The following PTPRT variants were observed in gnomAD, a reference collection of about 807,000 sequenced individuals.
The protein encoded by PTPRT is receptor-type tyrosine-protein phosphatase T.
In PTPRT, 56 loss-of-function variants were observed where a neutral mutation model predicts 176.8. The observed-to-expected ratio is 0.32, with a 90% CI of 0.26 to 0.40. The LOEUF is 0.40. PTPRT is among the 10% of genes least tolerant of loss of function. The probability of loss-of-function intolerance (pLI) is 1.00; values close to 1 mark genes in which losing one functional copy is unlikely to be tolerated. For missense variants in PTPRT, 1,540 were observed against 1,908.2 expected, an observed-to-expected ratio of 0.81 and a Z score of 3.60; for synonymous variants, 783 against 739.0, an observed-to-expected ratio of 1.06 and a Z score of -0.96.
At chr20:42,906,368 C>T (rs1023694229) in intron 1 of PTPRT, among the ~76,000 whole-genome samples, 2 of 152,172 alleles carry the variant, frequency 1.3e-5, no homozygotes, top group African/African-American at 4.8e-5. Flanking sequence ...AGCCACGTTC[C>T]CACTCCATCT....
chr20:42,846,231 C>G (rs898340316), intron 2 of PTPRT, among the ~76,000 whole-genome samples: 1 of 152,210 alleles, frequency 6.6e-6, no homozygotes, highest in East Asian at 1.9e-4. Context: ...ATCCACCCTT[C>G]CCATCCTCAT....
chr20:42,377,775 T>C (rs2058665215), intron 9 of PTPRT, among the ~76,000 whole-genome samples: 1 of 152,126 alleles, frequency 6.6e-6, no homozygotes, highest in African/African-American at 2.4e-5. Context: ...AAATTGCCTG[T>C]GGAAGACATG....
intron 7 of PTPRT, among the ~76,000 whole-genome samples, chr20:42,484,074 TG>T (rs1159889583): frequency 6.6e-6 from 1 of 152,238 alleles, no homozygotes; most frequent in African/African-American, 2.4e-5. Flanking sequence ...TTTTCAACCC[TG>T]GCAGTAGCTG....
At chr20:43,144,894 C>T (rs1190643381) in intron 1 of PTPRT, among the ~76,000 whole-genome samples, 1 of 152,196 alleles carries the variant, frequency 6.6e-6, no homozygotes, top group Non-Finnish European at 1.5e-5. Flanking sequence ...CAGTTACCCC[C>T]AGGATCTGCA....
chr20:43,117,038 T>C (rs1274683878), intron 1 of PTPRT, among the ~76,000 whole-genome samples: 1 of 152,112 alleles, frequency 6.6e-6, no homozygotes, highest in Non-Finnish European at 1.5e-5. Flanking sequence ...ATGACTCTCA[T>C]CCTCCTTGGA....
At chr20:42,521,198 C>T (rs1423435106) in intron 7 of PTPRT, among the ~76,000 whole-genome samples, 1 of 152,052 alleles carries the variant, frequency 6.6e-6, no homozygotes, top group African/African-American at 2.4e-5. Context: ...TCATGCTTTA[C>T]CAAGATTTTG....
intron 17 of PTPRT, among the ~76,000 whole-genome samples, chr20:42,159,143 A>G (rs1344434772): frequency 6.9e-6 from 1 of 144,824 alleles, no homozygotes; most frequent in Non-Finnish European, 1.5e-5. Flanking sequence ...TCCCTTAATG[A>G]TATTTGAAAT....
intron 9 of PTPRT, among the ~76,000 whole-genome samples, chr20:42,431,024 G>T (rs1275593534): frequency 6.6e-6 from 1 of 152,168 alleles, no homozygotes; most frequent in East Asian, 1.9e-4. Context: ...ATGTTCGTGT[G>T]TGCGGTGGGG....
intron 1 of PTPRT, among the ~76,000 whole-genome samples, chr20:42,973,076 A>G (rs1982746875): frequency 6.6e-6 from 1 of 151,906 alleles, no homozygotes; most frequent in Non-Finnish European, 1.5e-5. Flanking sequence ...CAGGAAGATT[A>G]ATCAGGAGGC....
intron 8 of PTPRT, among the ~76,000 whole-genome samples, chr20:42,461,291 C>T (rs1393650924): frequency 6.6e-6 from 1 of 152,184 alleles, no homozygotes; most frequent in East Asian, 1.9e-4. Context: ...CGTGCCATTG[C>T]ACTCCAGCCT....
At chr20:42,704,851 G>A (rs1247501780) in intron 6 of PTPRT, among the ~76,000 whole-genome samples, 4 of 152,160 alleles carry the variant, frequency 2.6e-5, no homozygotes, top group Non-Finnish European at 5.9e-5. Flanking sequence ...ACACTGAAAT[G>A]AATACCTTTC....
At chr20:42,398,861 G>A (rs1405006034) in intron 9 of PTPRT, among the ~76,000 whole-genome samples, 2 of 152,166 alleles carry the variant, frequency 1.3e-5, no homozygotes, top group East Asian at 1.9e-4. Context: ...AGAACTGCTC[G>A]ATGTCATTCA....
intron 26 of PTPRT, among the ~76,000 whole-genome samples, chr20:42,100,811 C>T (rs1985862146): frequency 6.6e-6 from 1 of 152,210 alleles, no homozygotes; most frequent in East Asian, 1.9e-4. Flanking sequence ...GTCTTCTCTC[C>T]ACCTCTAGCT....
In PTPRT at chr20:43,015,948, G is replaced by GAA. The variant is rs367560612; in HGVS notation, c.89-130018_89-130017dup. The stretch of plus-strand genomic sequence containing the variant: ...GAAAACACACTAAGTATTTCAAAAA[G>GAA]AAAAAAAAAAAAAAGCCCACGTCCA... On this transcript the variant is annotated intron_variant, in intron 1 of 30. Coordinates refer to ENST00000373187, the MANE Select transcript of PTPRT (RefSeq NM_007050.6). Among the ~76,000 whole-genome samples, 774 of 128,174 alleles carry GAA rather than the reference G, an allele frequency of 6.0e-3. 9 individuals carry two copies. Among genetic ancestry groups the GAA allele is most frequent in the African/African-American group, 0.02 (694 of 35,324 alleles). The allele number at this position is 128,174 out of a possible 152,430, so 84.1% of individuals were successfully genotyped here. A position where few individuals can be genotyped will look rare whatever the true frequency, so the allele number is the denominator to read the frequency against.
intron 1 of PTPRT, among the ~76,000 whole-genome samples, chr20:43,081,599 C>A (rs1445995055): frequency 6.6e-6 from 1 of 151,970 alleles, no homozygotes; most frequent in Non-Finnish European, 1.5e-5. Context: ...TTTTTCCATC[C>A]CCCTTTTATT....
chr20:42,310,738 C>G (rs907522184), intron 12 of PTPRT, among the ~76,000 whole-genome samples: 1 of 152,242 alleles, frequency 6.6e-6, no homozygotes, highest in Admixed American at 6.5e-5. Context: ...ACAACATGGT[C>G]TAATTCATAA....
chr20:42,464,613 T>C (rs1166991971), intron 8 of PTPRT, among the ~76,000 whole-genome samples: 1 of 152,192 alleles, frequency 6.6e-6, no homozygotes, highest in South Asian at 2.1e-4. Flanking sequence ...CATTTCTCTT[T>C]GCCCTTTATA....
intron 9 of PTPRT, among the ~76,000 whole-genome samples, chr20:42,439,453 C>A (rs886806313): frequency 6.6e-6 from 1 of 152,198 alleles, no homozygotes; most frequent in Non-Finnish European, 1.5e-5. Context: ...ACTCCACACA[C>A]TGTTTAGCAA....
intron 1 of PTPRT, among the ~76,000 whole-genome samples, chr20:42,941,800 C>T (rs1175930488): frequency 6.6e-6 from 1 of 152,164 alleles, no homozygotes; most frequent in African/African-American, 2.4e-5. Context: ...CAAAATGGAA[C>T]ATCCTCCAAG....
Sources: gnomAD v4.1 joint callset for allele counts (sites outside exome capture counted in the v4.1 genomes callset) on GRCh38, gnomAD v4.1.1 for gene constraint, MANE v1.5 for transcripts, NCBI Gene and HGNC (gene_info 2026-07-23, HGNC 2026-07-21) for gene names.